TYW1B: variants seen among roughly 807,000 people sequenced by gnomAD.
The protein encoded by TYW1B is S-adenosyl-L-methionine-dependent tRNA 4-demethylwyosine synthase TYW1B.
TYW1B carries 73 observed loss-of-function variants against 86.9 expected under a neutral mutation model. That is an observed-to-expected ratio of 0.84 (90% confidence interval 0.70 to 1.02). The LOEUF (loss-of-function observed/expected upper bound fraction) is 1.02, where lower values mean the gene tolerates loss of function less well. Ranked by LOEUF, TYW1B falls within the 50% of genes least tolerant of loss-of-function variation. The pLI is 0.00. For missense variants in TYW1B, 637 were observed against 827.4 expected (o/e 0.77, Z 2.82); for synonymous variants, 248 against 292.8 (o/e 0.85, Z 1.56).
chr7:72,632,051 C>T (rs1812504392), intron 11 of TYW1B, among the ~76,000 whole-genome samples: 1 of 151,556 alleles, frequency 6.6e-6, no homozygotes, highest in Non-Finnish European at 1.5e-5. Context: ...AATCTCAGCA[C>T]ATTGGAAGGC....
intron 7 of TYW1B, among the ~76,000 whole-genome samples, 194 bp from the exon 8 acceptor site, chr7:72,744,795 A>G (rs567795602): frequency 3.3e-4 from 51 of 152,356 alleles, no homozygotes; most frequent in African/African-American, 9.4e-4. Context: ...CTAAAGCCCA[A>G]TGAAATAAAC....
At chr7:72,613,778 G>C (rs1299152555) in intron 13 of TYW1B, among the ~76,000 whole-genome samples, 1 of 152,010 alleles carries the variant, frequency 6.6e-6, no homozygotes, top group African/African-American at 2.4e-5. Context: ...AGGGGGAAAT[G>C]CTATAAAGGA....
At chr7:72,774,390 A>AAG (rs1787918103) in intron 7 of TYW1B, among the ~76,000 whole-genome samples, 1 of 151,580 alleles carries the variant, frequency 6.6e-6, no homozygotes, top group Non-Finnish European at 1.5e-5. Context: ...GGAAAAAAAA[A>AAG]AAAAAAAAAG....
At chr7:72,596,751 A>C (rs1388607902) in intron 13 of TYW1B, among the ~76,000 whole-genome samples, 5 of 152,200 alleles carry the variant, frequency 3.3e-5, no homozygotes, top group Admixed American at 1.3e-4. Context: ...AGAATAGGCA[A>C]GAAAAGAAAG....
intron 9 of TYW1B, among the ~76,000 whole-genome samples, chr7:72,727,681 C>A (rs868981163): frequency 6.6e-6 from 1 of 151,768 alleles, no homozygotes; most frequent in East Asian, 1.9e-4. Flanking sequence ...TGGTGGCCAG[C>A]GCCTGTAGCC....
rs369019708 is a variant in TYW1B at position 72,593,293 on chromosome 7, C to CAA, written c.1786-17576_1786-17575dup. On this transcript the variant is annotated intron_variant, in intron 13 of 13. Transcript: ENST00000620995. ...GGGCAACAAGAGCAAAACTCCATCT[C>CAA]AAAAAAAGAAAAAGAAAGAAAGAAA... 9.3e-4 allele frequency among the ~76,000 whole-genome samples: 134 copies of CAA among 144,038 alleles called. 1 individual carries two copies. Among genetic ancestry groups the CAA allele is most frequent in the East Asian group, 2.7e-3 (13 of 4,864 alleles). The allele number at this position is 144,038 out of a possible 152,430, so 94.5% of individuals were successfully genotyped here.
chr7:72,701,439 T>C (rs1427477314), intron 10 of TYW1B, among the ~76,000 whole-genome samples: 1 of 152,046 alleles, frequency 6.6e-6, no homozygotes, highest in Non-Finnish European at 1.5e-5. Flanking sequence ...AATGTTTTAA[T>C]TTTTTGTAGA....
chr7:72,816,942 A>C (rs1456867433), intron 2 of TYW1B, among the ~76,000 whole-genome samples: 1 of 152,186 alleles, frequency 6.6e-6, no homozygotes, highest in Non-Finnish European at 1.5e-5. Context: ...ACCAGTAAAC[A>C]TAAGTCAAGC....
chr7:72,648,612 G>T (rs1812989839), intron 11 of TYW1B, among the ~76,000 whole-genome samples: 1 of 151,724 alleles, frequency 6.6e-6, no homozygotes, highest in South Asian at 2.1e-4. Context: ...GAAAAGACAT[G>T]CCTTGAGTTC....
intron 11 of TYW1B, among the ~76,000 whole-genome samples, chr7:72,676,100 C>T (rs1352906960): frequency 2.6e-5 from 4 of 152,118 alleles, no homozygotes; most frequent in Non-Finnish European, 5.9e-5. Flanking sequence ...GGTTCAAATA[C>T]CAGTTTGATT....
intron 11 of TYW1B, among the ~76,000 whole-genome samples, chr7:72,678,629 T>G (rs139074906): frequency 6.9e-6 from 1 of 145,654 alleles, no homozygotes; most frequent in East Asian, 2.0e-4. Flanking sequence ...CTTTTTTTTT[T>G]TTTTTTTTTT....
At chr7:72,760,869 G>T (rs77901218) in intron 7 of TYW1B, among the ~76,000 whole-genome samples, 1 of 152,114 alleles carries the variant, frequency 6.6e-6, no homozygotes. Flanking sequence ...AATGATCTTC[G>T]TTTGTGTAAT....
At chr7:72,687,697 T>C (rs1439838378) in intron 11 of TYW1B, among the ~76,000 whole-genome samples, 3 of 152,112 alleles carry the variant, frequency 2.0e-5, no homozygotes, top group African/African-American at 7.2e-5. Flanking sequence ...AGTTCAATAA[T>C]AGGCAAAATT....
intron 11 of TYW1B, among the ~76,000 whole-genome samples, chr7:72,667,151 A>T (rs1227495825): frequency 1.3e-5 from 2 of 152,038 alleles, no homozygotes; most frequent in Non-Finnish European, 2.9e-5. Flanking sequence ...AAAAAACAAG[A>T]TTCACATCAA....
In TYW1B at chr7:72,603,322, TGATGGATG is replaced by T. The variant is rs34898249; in HGVS notation, c.1785+13342_1785+13349del. ...GATGATTGATGGATGGACAGATAGA[TGATGGATG>T]GATGGATGGATGGATGGATGGATGG... On this transcript the variant is annotated intron_variant, in intron 13 of 13. Coordinates refer to ENST00000620995, the MANE Select transcript of TYW1B (RefSeq NM_001145440.3). 5.0e-3 allele frequency among the ~76,000 whole-genome samples: 683 copies of T among 137,862 alleles called. 4 individuals carry two copies. Among genetic ancestry groups the T allele is most frequent in the African/African-American group, 0.014 (425 of 31,430 alleles). 90.4% of individuals were successfully genotyped at this position (137,862 alleles called of 152,430 possible). A position where few individuals can be genotyped will look rare whatever the true frequency, so the allele number is the denominator to read the frequency against.
At chr7:72,822,671 G>A (rs1188077995) in intron 2 of TYW1B, among the ~76,000 whole-genome samples, 12 of 152,160 alleles carry the variant, frequency 7.9e-5, no homozygotes, top group Admixed American at 6.6e-4. Context: ...GATGGGCTGG[G>A]CACAGTGGCT....
At chr7:72,659,169 C>T (rs1202459006) in intron 11 of TYW1B, among the ~76,000 whole-genome samples, 1 of 152,164 alleles carries the variant, frequency 6.6e-6, no homozygotes, top group East Asian at 1.9e-4. Flanking sequence ...CTCCCACCCC[C>T]GGTGTGGTGT....
chr7:72,780,281 AAAG>A (rs1258443696), intron 6 of TYW1B, among the ~76,000 whole-genome samples: 3 of 152,152 alleles, frequency 2.0e-5, no homozygotes, highest in African/African-American at 7.2e-5. Context: ...TGAGCTTGAT[AAAG>A]AAGTCTTGTG....
intron 11 of TYW1B, among the ~76,000 whole-genome samples, chr7:72,653,330 G>A (rs533176830): frequency 4.6e-5 from 7 of 152,286 alleles, no homozygotes; most frequent in African/African-American, 1.7e-4. Context: ...AAAGAGGGCG[G>A]GCGCAGTGGC....
Sources: allele counts gnomAD v4.1 joint callset (sites outside exome capture counted in the v4.1 genomes callset), GRCh38; gene constraint gnomAD v4.1.1; transcripts MANE v1.5; gene names NCBI Gene and HGNC (gene_info 2026-07-23, HGNC 2026-07-21).